CYB5RL: variants seen among roughly 807,000 people sequenced by gnomAD.
The protein encoded by CYB5RL is NADH-cytochrome b5 reductase-like.
In CYB5RL, 38 loss-of-function variants were observed where a neutral mutation model predicts 37.5. The ratio of observed to expected loss-of-function variants is 1.01; its 90% confidence interval spans 0.78 to 1.33. CYB5RL has a LOEUF of 1.33. Among genes scored for constraint, CYB5RL ranks in the 40% most tolerant of loss-of-function variants. The pLI is 0.00. For synonymous variants in CYB5RL, 141 were observed against 151.9 expected, an observed-to-expected ratio of 0.93 and a Z score of 0.53; for missense variants, 388 against 394.4, an observed-to-expected ratio of 0.98 and a Z score of 0.14.
At chr1:54,184,096 T>C in intron 6 of CYB5RL, 65 bp downstream of exon 6, 2 of 1,429,862 alleles carry the variant, frequency 1.4e-6, no homozygotes, top group East Asian at 4.9e-5. Context: ...TGAGATGCTA[T>C]GGGCCGAAAC....
chr1:54,198,393 C>A (rs933288404), intron 1 of CYB5RL, among the ~76,000 whole-genome samples: 1 of 146,990 alleles, frequency 6.8e-6, no homozygotes, highest in African/African-American at 2.5e-5. Flanking sequence ...AGTGCAGTGG[C>A]GCAATCTCAG....
intron 4 of CYB5RL, among the ~76,000 whole-genome samples, chr1:54,189,842 G>C (rs1180594397): frequency 6.6e-6 from 1 of 152,244 alleles, no homozygotes; most frequent in Non-Finnish European, 1.5e-5. Context: ...AGTGGCCAGA[G>C]TCTGAGCAGC....
rs1392780780 is a variant in CYB5RL, at chr1:54,169,791, T to A, written c.*4828A>T. 1 of 152,186 alleles carries A rather than the reference T, an allele frequency of 6.6e-6. No individual in the cohort carries two copies. The highest frequency in any genetic ancestry group is 2.4e-5 in the African/African-American group (1 of 41,442). The allele number at this position is 152,186 out of a possible 1,614,324, so 9.4% of individuals were successfully genotyped here. ...ATGTTTATGTCAAGTATTTTTATAG[T>A]AAAATACAAATACAGATATGGCTAA... On this transcript the variant is annotated 3_prime_UTR_variant, in exon 8 of 8. Transcript: ENST00000534324.
rs1659946763 is a variant in CYB5RL, at chr1:54,173,728, C to T, written c.*891G>A. The T allele has an allele frequency of 6.6e-6, 1 of 152,656 alleles. No homozygotes were observed. Among genetic ancestry groups the T allele is most frequent in the South Asian group, 2.1e-4 (1 of 4,836 alleles). 9.5% of individuals were successfully genotyped at this position (152,656 alleles called of 1,614,324 possible). On this transcript the variant is annotated 3_prime_UTR_variant, in exon 8 of 8. Transcript: ENST00000534324. ...GGCTGTTGAAGGCAGAATTCATTAA[C>T]TGCAGTGCGCTGCCCAGGGGCACTG...
intron 4 of CYB5RL, among the ~76,000 whole-genome samples, chr1:54,188,862 C>G (rs1048847914): frequency 6.6e-6 from 1 of 152,198 alleles, no homozygotes; most frequent in African/African-American, 2.4e-5. Flanking sequence ...GCACCAAAAG[C>G]ATGAGAGGGC....
In CYB5RL at chr1:54,179,187, G is replaced by A. The variant is rs557567385; in HGVS notation, c.706C>T (p.Arg236Cys). Residue 236 changes from arginine (R) to cysteine (C), a missense_variant, in exon 7 of 8, where the codon CGT (arginine) becomes TGT (cysteine). Arg to Cys is a radical substitution (Grantham distance 180). Coordinates refer to ENST00000534324, the MANE Select transcript of CYB5RL (RefSeq NM_001031672.4). ...AAGAAGGTACGGACATTCCAGAAAC[G>A]GGCCTGCTCTTGGAGGAAGGTTTTC... ...YLKTFLQEQA[R>C]FWNVRTFFVL... The A allele has an allele frequency of 7.4e-6, 12 of 1,613,620 alleles. No homozygotes were observed. The highest frequency in any genetic ancestry group is 5.0e-5 in the Admixed American group (3 of 59,976).
intron 7 of CYB5RL, among the ~76,000 whole-genome samples, chr1:54,175,303 C>T (rs577372549): frequency 4.7e-4 from 71 of 152,300 alleles, no homozygotes; most frequent in African/African-American, 1.6e-3. Flanking sequence ...TGCCAGGCAC[C>T]GAGCTAGCCA....
intron 1 of CYB5RL, among the ~76,000 whole-genome samples, chr1:54,197,450 A>C (rs551783736): frequency 3.0e-4 from 46 of 151,482 alleles, no homozygotes; most frequent in Non-Finnish European, 6.0e-4. Context: ...CAGCCACCCA[A>C]GTAGCTGGGA....
chr1:54,187,418 G>C (rs1019058852), intron 5 of CYB5RL, among the ~76,000 whole-genome samples: 8 of 152,172 alleles, frequency 5.3e-5, no homozygotes, highest in Admixed American at 2.6e-4. Flanking sequence ...TGTTAGGTTA[G>C]TCCTGTCTAT....
At chr1:54,192,916 G>T (rs1320355495) in intron 3 of CYB5RL, among the ~76,000 whole-genome samples, 3 of 151,986 alleles carry the variant, frequency 2.0e-5, no homozygotes, top group Non-Finnish European at 4.4e-5. Flanking sequence ...CACCACGTCT[G>T]GCTAATTTTT....
intron 3 of CYB5RL, 23 bp downstream of exon 3, chr1:54,195,396 T>C (rs1643997342): frequency 1.3e-6 from 2 of 1,551,148 alleles, no homozygotes; most frequent in Non-Finnish European, 1.7e-6. Context: ...CTGGTGCTCA[T>C]ATCGAGAAGC....
intron 7 of CYB5RL, among the ~76,000 whole-genome samples, chr1:54,178,804 C>G (rs1056353777): frequency 3.9e-5 from 6 of 152,218 alleles, no homozygotes; most frequent in Non-Finnish European, 5.9e-5. Flanking sequence ...CCTCTACAGC[C>G]AGGCCCCTGC....
chr1:54,171,573 G>T lies in CYB5RL; in HGVS notation c.*3046C>A, dbSNP rs978969730. The T allele has an allele frequency of 1.3e-5, 5 of 382,450 alleles. No homozygotes were observed. The highest frequency in any genetic ancestry group is 2.1e-5 in the Non-Finnish European group (4 of 191,062). The allele number at this position is 382,450 out of a possible 1,614,324, so 23.7% of individuals were successfully genotyped here. ...TCTGTCCTCAGGCCCTCTAGTAGCT[G>T]TTGCCTTCCTGAAGCTTGGGATGCA... On this transcript the variant is annotated 3_prime_UTR_variant, in exon 8 of 8. Transcript: ENST00000534324.
At position 54,179,323 on chromosome 1, in the gene CYB5RL, G is replaced by A. The variant is rs764017755; in HGVS notation, c.570C>T (p.Gly190=). The A allele has an allele frequency of 5.0e-6, 8 of 1,613,558 alleles. No individual in the cohort carries two copies. Among genetic ancestry groups the A allele is most frequent in the African/African-American group, 1.3e-5 (1 of 75,026 alleles). Residue 190 remains glycine, a synonymous_variant, in exon 7 of 8, where the codon GGC becomes GGT. Transcript: ENST00000534324. ...TAGGCACCATGGGGGCCAGGCCCGT[G>A]CCCGCAGCCAGCAAGAGGAGCTCAC... ...QYGELLLLAA[G]TGLAPMVPIL... is the part of the protein sequence containing the mutation.
chr1:54,182,247 G>C (rs1660177305), intron 6 of CYB5RL, among the ~76,000 whole-genome samples: 2 of 152,226 alleles, frequency 1.3e-5, no homozygotes, highest in Non-Finnish European at 2.9e-5. Flanking sequence ...TAGCACCTAA[G>C]AGCTGCTGTG....
At position 54,174,759 on chromosome 1, in the gene CYB5RL, G is replaced by A; in HGVS notation, c.808C>T (p.Gln270Ter). 2 of 1,614,004 alleles carry A rather than the reference G, an allele frequency of 1.2e-6. No homozygotes were observed. The highest frequency in any genetic ancestry group is 8.5e-7 in the Non-Finnish European group (1 of 1,179,886). The part of the protein sequence containing the change: ...QEKTHFGHLG[Q>*]DLIKELVSCC... ...CTGACCAGCTCTTTAATTAGGTCCT[G>A]GCCCAGGTGGCCAAAGTGGGTTTTC... The change falls in exon 8 of 8, where the codon CAG becomes TAG. Residue 270 changes from glutamine to a stop codon, truncating the protein, a stop_gained. Coordinates refer to ENST00000534324, the MANE Select transcript of CYB5RL (RefSeq NM_001031672.4). LOFTEE classifies it high-confidence loss of function.
chr1:54,179,418 T>C (rs777826519), intron 6 of CYB5RL, 66 bp from the exon 7 acceptor site: 96 of 1,512,560 alleles, frequency 6.3e-5, no homozygotes, highest in Non-Finnish European at 7.8e-5. Flanking sequence ...CCCTCTACTA[T>C]GGGACTTTTC....
At chr1:54,189,537 T>A (rs1224384290) in intron 4 of CYB5RL, among the ~76,000 whole-genome samples, 1 of 152,148 alleles carries the variant, frequency 6.6e-6, no homozygotes, top group Non-Finnish European at 1.5e-5. Context: ...ACGGAGGCGA[T>A]GTGGTACCTC....
chr1:54,199,126 C>G (rs1038154805), intron 1 of CYB5RL, among the ~76,000 whole-genome samples: 5 of 152,292 alleles, frequency 3.3e-5, no homozygotes, highest in African/African-American at 9.6e-5. Flanking sequence ...TTTCCCACCC[C>G]GCAGGCCTTG....
Sources: allele counts gnomAD v4.1 joint callset (sites outside exome capture counted in the v4.1 genomes callset), GRCh38; gene constraint gnomAD v4.1.1; transcripts MANE v1.5; gene names NCBI Gene and HGNC (gene_info 2026-07-23, HGNC 2026-07-21).